TTC34: variants seen among roughly 807,000 people sequenced by gnomAD.
The protein encoded by TTC34 is tetratricopeptide repeat protein 34.
A neutral mutation model predicts 40.7 loss-of-function variants in TTC34; 44 were observed. The observed-to-expected ratio is 1.08, with a 90% confidence interval of 0.85 to 1.39. TTC34 has a LOEUF of 1.39. Ranked by LOEUF, TTC34 falls within the 40% of genes most tolerant of loss-of-function variation. TTC34 has a pLI of 0.00. For missense variants in TTC34, 884 were observed against 838.0 expected (o/e 1.05, Z -0.68); for synonymous variants, 422 against 398.6 (o/e 1.06, Z -0.70).
At chr1:2,748,864 T>C (rs1211123197) in intron 6 of TTC34, among the ~76,000 whole-genome samples, 2 of 118,174 alleles carry the variant, frequency 1.7e-5, no homozygotes, top group Non-Finnish European at 3.4e-5. Context: ...TCTGATGCTT[T>C]GGAGCAGCAC....
chr1:2,748,838 C>A lies in TTC34; in HGVS notation c.2226+34771G>T, dbSNP rs1260035533. ...ATCTGACAGCCTCGGTCGGCACCCA[C>A]AAACCCAGGTGAGCATCTGATGCTT... is the stretch of plus-strand genomic sequence containing the variant. On this transcript the variant is annotated intron_variant, in intron 6 of 8. Coordinates refer to ENST00000401095, the Ensembl canonical transcript of TTC34. 1.4e-5 allele frequency among the ~76,000 whole-genome samples: 2 copies of A among 137,960 alleles called. 1 individual carries two copies. The highest frequency in any genetic ancestry group is 1.4e-4 in the Admixed American group (2 of 13,834). 90.5% of individuals were successfully genotyped at this position (137,960 alleles called of 152,430 possible).
chr1:2,755,648 G>C (rs1203012006), intron 6 of TTC34, among the ~76,000 whole-genome samples: 1 of 125,096 alleles, frequency 8.0e-6, no homozygotes, highest in Non-Finnish European at 1.6e-5. Flanking sequence ...TGATGGTCTG[G>C]AGCAGCACCC....
chr1:2,779,285 C>T (rs1056864796), intron 6 of TTC34, among the ~76,000 whole-genome samples: 1 of 152,004 alleles, frequency 6.6e-6, no homozygotes, highest in Non-Finnish European at 1.5e-5. Context: ...TGGATGTAGA[C>T]CCAGATGTGG....
At chr1:2,688,556 G>C (rs867876974) in intron 6 of TTC34, among the ~76,000 whole-genome samples, 3 of 139,606 alleles carry the variant, frequency 2.1e-5, no homozygotes, top group Middle Eastern at 9.2e-3. Flanking sequence ...TGAACCCACG[G>C]AGCAGCACCC....
At chr1:2,786,392 T>C (rs867565723) in intron 4 of TTC34, among the ~76,000 whole-genome samples, 31 of 152,316 alleles carry the variant, frequency 2.0e-4, no homozygotes, top group African/African-American at 6.3e-4. Context: ...GGGCGTTTTG[T>C]CTCCCCATAG....
chr1:2,786,754 C>T (rs933497165), intron 4 of TTC34, among the ~76,000 whole-genome samples: 4 of 152,204 alleles, frequency 2.6e-5, no homozygotes, highest in African/African-American at 9.6e-5. Flanking sequence ...AGACCTCCAC[C>T]CCACAACGTC....
At chr1:2,749,424 G>A (rs1641244691) in intron 6 of TTC34, among the ~76,000 whole-genome samples, 1 of 142,138 alleles carries the variant, frequency 7.0e-6, no homozygotes, top group African/African-American at 2.8e-5. Flanking sequence ...GCACGTGACA[G>A]CCTGGAACAG....
In TTC34 at chr1:2,778,291, C is replaced by A. The variant is rs188286464; in HGVS notation, c.2226+5318G>T. Among the ~76,000 whole-genome samples, 20 of 152,362 alleles carry A rather than the reference C, an allele frequency of 1.3e-4. No individual in the cohort carries two copies. In the East Asian group the frequency reaches 3.9e-3, roughly 29 times the overall value. On this transcript the variant is annotated intron_variant, in intron 6 of 8. Coordinates refer to ENST00000401095, the Ensembl canonical transcript of TTC34. ...GCTTTTACCCAGCGAAGCATCAGGG[C>A]AGACAGCCAATTTCAACACTGCTCT...
In TTC34 at chr1:2,645,287, G is replaced by A. The variant is rs539318672; in HGVS notation, c.2497+6C>T. 2.9e-4 allele frequency: 423 copies of A among 1,474,792 alleles called. 1 individual carries two copies. Among genetic ancestry groups the A allele is most frequent in the Non-Finnish European group, 2.5e-4 (281 of 1,114,292 alleles). The allele number at this position is 1,474,792 out of a possible 1,614,324, so 91.4% of individuals were successfully genotyped here. On this transcript the variant is annotated splice_donor_region_variant and intron_variant, in intron 7 of 8. Coordinates refer to ENST00000401095, the Ensembl canonical transcript of TTC34. This position sits in a 1 kb window ranked among gnomAD's most constrained non-coding sequence, Gnocchi z 4.7. Reference sequence around the variant, plus strand: ...CCGTGTTTCCCACCTTGGGGCCGCCGCATACCCTGTGCCATGAGAATGTCT... The same window carrying A: ...CCGTGTTTCCCACCTTGGGGCCGCCACATACCCTGTGCCATGAGAATGTCT...
At chr1:2,691,280 C>G (rs1424889606) in intron 6 of TTC34, among the ~76,000 whole-genome samples, 1 of 74,062 alleles carries the variant, frequency 1.4e-5, no homozygotes, top group East Asian at 3.2e-4. Context: ...GAGAATCCGA[C>G]AGCCTGGAGC....
intron 2 of TTC34, among the ~76,000 whole-genome samples, chr1:2,797,896 C>T (rs1339866317): frequency 1.3e-5 from 2 of 152,038 alleles, no homozygotes; most frequent in East Asian, 3.9e-4. Flanking sequence ...ATTAAATCTA[C>T]CCACAATCTC....
chr1:2,653,771 C>A (rs945653276), intron 6 of TTC34, among the ~76,000 whole-genome samples: 3,772 of 152,264 alleles, frequency 0.025, no homozygotes, highest in African/African-American at 0.086. Flanking sequence ...CGCCCACACC[C>A]CCAGGCGAGC....
chr1:2,652,443 A>T (rs1639175259), intron 6 of TTC34, among the ~76,000 whole-genome samples: 1 of 151,828 alleles, frequency 6.6e-6, no homozygotes. Flanking sequence ...CAGCACCCAC[A>T]CCCCCAGGTG....
chr1:2,785,298 T>C (rs28565246), intron 5 of TTC34, among the ~76,000 whole-genome samples: 1 of 151,360 alleles, frequency 6.6e-6, no homozygotes, highest in South Asian at 2.1e-4. Flanking sequence ...ACACTCCCTG[T>C]ACCCCAGGAG....
At chr1:2,768,051 G>T (rs1339386726) in intron 6 of TTC34, among the ~76,000 whole-genome samples, 2 of 151,402 alleles carry the variant, frequency 1.3e-5, no homozygotes, top group Non-Finnish European at 2.9e-5. Flanking sequence ...ACAACCCCAG[G>T]TGATCATTTG....
chr1:2,751,309 G>C (rs1283319437), intron 6 of TTC34, among the ~76,000 whole-genome samples: 259 of 11,058 alleles, frequency 0.023, 6 homozygotes, highest in African/African-American at 0.037. Flanking sequence ...ATCCGACACC[G>C]TGGAGCAGAA....
chr1:2,680,689 A>G (rs1449714431), intron 6 of TTC34, among the ~76,000 whole-genome samples: 98 of 59,116 alleles, frequency 1.7e-3, no homozygotes, highest in Non-Finnish European at 2.0e-3. Context: ...ACAGCCTGGA[A>G]CAGCACCCTG....
At chr1:2,658,647 C>T (rs1287252036) in intron 6 of TTC34, among the ~76,000 whole-genome samples, 54 of 78,364 alleles carry the variant, frequency 6.9e-4, no homozygotes, top group Non-Finnish European at 1.4e-3. Context: ...ATCTGACAGC[C>T]TGGAACAGCA....
chr1:2,651,005 T>C (rs897932412), intron 6 of TTC34, among the ~76,000 whole-genome samples: 1 of 145,844 alleles, frequency 6.9e-6, no homozygotes, highest in East Asian at 2.1e-4. Flanking sequence ...AAGCATCTGA[T>C]AGCCTGAAAC....
Sources: allele counts gnomAD v4.1 joint callset (sites outside exome capture counted in the v4.1 genomes callset), GRCh38; gene constraint gnomAD v4.1.1; non-coding constraint Gnocchi (gnomAD v3.1); transcripts MANE v1.5; gene names NCBI Gene and HGNC (gene_info 2026-07-23, HGNC 2026-07-21).